FRMD3: variants seen among roughly 807,000 people sequenced by gnomAD.
FRMD3 encodes FERM domain-containing protein 3.
In FRMD3, 33 loss-of-function variants were observed where a neutral mutation model predicts 70.2. The observed-to-expected ratio is 0.47, with a 90% CI of 0.36 to 0.63. The LOEUF (loss-of-function observed/expected upper bound fraction) is 0.63. Ranked by LOEUF, FRMD3 falls within the 20% of genes least tolerant of loss-of-function variation. The probability of loss-of-function intolerance (pLI) is 0.00; values close to 1 mark genes in which losing one functional copy is unlikely to be tolerated. For missense variants in FRMD3, 632 were observed against 711.4 expected (o/e 0.89, Z 1.27); for synonymous variants, 279 against 255.9 (o/e 1.09, Z -0.86).
intron 1 of FRMD3, among the ~76,000 whole-genome samples, chr9:83,420,937 CTTTT>C (rs897070718): frequency 2.8e-5 from 3 of 107,720 alleles, no homozygotes; most frequent in East Asian, 2.7e-4. Flanking sequence ...TTTCTTTCTT[CTTTT>C]TTTTTTTTTT....
Position 83,533,985 on chromosome 9 carries a change from G to A in FRMD3, c.147+4100C>T, listed in dbSNP as rs189153820. Among the ~76,000 whole-genome samples the A allele has an allele frequency of 1.9e-3, 295 of 152,214 alleles. 1 individual carries two copies. Among genetic ancestry groups the A allele is most frequent in the Non-Finnish European group, 3.1e-3 (213 of 68,018 alleles). ...AGCAAGGGTTGTGAATAACAATGCC[G>A]GTGTCTAAAGAAAAAAAAGTAGATA... On this transcript the variant is annotated intron_variant, in intron 1 of 13. Coordinates refer to ENST00000304195, the MANE Select transcript of FRMD3 (RefSeq NM_174938.6).
intron 1 of FRMD3, among the ~76,000 whole-genome samples, chr9:83,503,993 G>A (rs1041401834): frequency 6.6e-6 from 1 of 152,174 alleles, no homozygotes; most frequent in Non-Finnish European, 1.5e-5. Flanking sequence ...GGGCGGGAGT[G>A]GGGAGGTGGT....
Position 83,288,465 on chromosome 9 carries a change from A to G in FRMD3, c.1195+2138T>C, listed in dbSNP as rs538802808. 2.0e-5 allele frequency among the ~76,000 whole-genome samples: 3 copies of G among 152,356 alleles called. No homozygotes were observed. The South Asian group carries it at 6.2e-4, about 32-fold the overall frequency. ...TCTCTTGCTTTTTAATTGAGTCTAT[A>G]TCATGAAAGTTGTCATGACTTGTCT... On this transcript the variant is annotated intron_variant, in intron 13 of 13. Transcript: ENST00000304195.
intron 1 of FRMD3, among the ~76,000 whole-genome samples, chr9:83,416,784 T>TCTCTCA (rs1826466800): frequency 1.0e-5 from 1 of 96,904 alleles, no homozygotes; most frequent in Non-Finnish European, 2.2e-5. Flanking sequence ...TCTCTCTCTC[T>TCTCTCA]CTCACTCTCT....
chr9:83,390,954 A>T (rs1825649579), intron 1 of FRMD3, among the ~76,000 whole-genome samples: 2 of 152,212 alleles, frequency 1.3e-5, no homozygotes, highest in Non-Finnish European at 2.9e-5. Context: ...CTCCAGCAAG[A>T]TCTCCATTGA....
intron 1 of FRMD3, among the ~76,000 whole-genome samples, chr9:83,491,062 AGTCCT>A (rs1362837357): frequency 1.3e-5 from 2 of 152,152 alleles, no homozygotes; most frequent in Non-Finnish European, 2.9e-5. Flanking sequence ...GTCTCTGTGA[AGTCCT>A]GCAGTTGTTG....
intron 1 of FRMD3, among the ~76,000 whole-genome samples, chr9:83,409,807 G>A (rs933175805): frequency 1.3e-5 from 2 of 152,162 alleles, no homozygotes; most frequent in African/African-American, 4.8e-5. Context: ...TAAAGCTTCT[G>A]CTCTTTTCCA....
At chr9:83,358,467 AG>A (rs1267873068) in intron 3 of FRMD3, among the ~76,000 whole-genome samples, 1 of 152,148 alleles carries the variant, frequency 6.6e-6, no homozygotes, top group African/African-American at 2.4e-5. Context: ...AGTTATGTGA[AG>A]AATGATGGTG....
chr9:83,514,553 G>T (rs1345686785), intron 1 of FRMD3, among the ~76,000 whole-genome samples: 2 of 152,186 alleles, frequency 1.3e-5, no homozygotes, highest in Non-Finnish European at 2.9e-5. Context: ...AGACTTAAAC[G>T]TTCCAGCCTG....
Position 83,335,566 on chromosome 9 carries a change from C to G in FRMD3, c.546G>C (p.Gln182His). Residue 182 changes from glutamine (Q) to histidine (H), a missense_variant, in exon 6 of 14, where the codon CAG becomes CAC. Gln to His is a conservative substitution (Grantham distance 24). Around this residue, in one of 3 missense-constraint regions of FRMD3, gnomAD observed 208 missense variants for 247.7 expected, o/e 0.84. Transcript: ENST00000304195. The stretch of plus-strand genomic sequence containing the variant: ...CTATTTTTCTTTCCAGCTTCTGTGA[C>G]TGCTTGGGGAAAATCTCAAACTCAC... ...YISEFEIFPK[Q>H]SQKLERKIVE... 1 of 1,613,284 alleles carries G rather than the reference C, an allele frequency of 6.2e-7. No homozygotes were observed. Among genetic ancestry groups the G allele is most frequent in the Non-Finnish European group, 8.5e-7 (1 of 1,179,380 alleles).
At chr9:83,546,808 C>T in the FRMD3 span, among the ~76,000 whole-genome samples, 2 of 142,040 alleles carry the variant, frequency 1.4e-5, no homozygotes, top group South Asian at 4.6e-4. Context: ...ATGGGAATTA[C>T]TTGAACCCAG....
chr9:83,274,623 G>C (rs1833735049), intron 13 of FRMD3, among the ~76,000 whole-genome samples: 1 of 152,158 alleles, frequency 6.6e-6, no homozygotes, highest in African/African-American at 2.4e-5. Context: ...TGAGAGAGAA[G>C]GATAAGAGGG....
intron 1 of FRMD3, among the ~76,000 whole-genome samples, chr9:83,466,243 T>C (rs1374223414): frequency 6.6e-6 from 1 of 152,206 alleles, no homozygotes; most frequent in African/African-American, 2.4e-5. Context: ...GAAATTACCA[T>C]GATCAGTAGA....
intron 3 of FRMD3, among the ~76,000 whole-genome samples, chr9:83,371,507 G>A (rs1173189488): frequency 1.3e-5 from 2 of 152,182 alleles, no homozygotes; most frequent in Non-Finnish European, 2.9e-5. Context: ...AGTAAAGACG[G>A]GGTTTTACCA....
intron 1 of FRMD3, among the ~76,000 whole-genome samples, chr9:83,536,909 G>C (rs956691320): frequency 7.7e-5 from 10 of 130,108 alleles, no homozygotes; most frequent in African/African-American, 3.2e-4. Context: ...ACTGACATGG[G>C]TGGTGTGCCC....
intron 1 of FRMD3, among the ~76,000 whole-genome samples, chr9:83,454,048 T>C (rs1827747531): frequency 6.6e-6 from 1 of 152,204 alleles, no homozygotes; most frequent in Admixed American, 6.5e-5. Flanking sequence ...CAAGAAAATA[T>C]TAAATTATGT....
intron 13 of FRMD3, among the ~76,000 whole-genome samples, chr9:83,251,527 T>G (rs139521014): frequency 6.6e-6 from 1 of 152,318 alleles, no homozygotes; most frequent in African/African-American, 2.4e-5. Flanking sequence ...ATGGATGAAT[T>G]GACAGAAGTA....
intron 13 of FRMD3, among the ~76,000 whole-genome samples, chr9:83,269,567 G>C (rs965880889): frequency 3.3e-5 from 5 of 152,080 alleles, no homozygotes; most frequent in Non-Finnish European, 7.4e-5. Flanking sequence ...AAATTAGCCA[G>C]GCGTGGTGGC....
chr9:83,351,721 A>ATAGATAGATAGG (rs1554691520), intron 3 of FRMD3, among the ~76,000 whole-genome samples: 1,729 of 152,112 alleles, frequency 0.011, 37 homozygotes, highest in African/African-American at 0.039. Context: ...AGATAGATAG[A>ATAGATAGATAGG]TAGATAGATA....
Sources: gnomAD v4.1 joint callset for allele counts (sites outside exome capture counted in the v4.1 genomes callset) on GRCh38, gnomAD v4.1.1 for gene constraint, gnomAD v4.1.1 regional missense constraint, MANE v1.5 for transcripts, NCBI Gene and HGNC (gene_info 2026-07-23, HGNC 2026-07-21) for gene names.